Variants in GNG12 observed in about 807,000 individuals in gnomAD.
GNG12 encodes the protein G protein subunit gamma 12.
For synonymous variants in GNG12, 28 were observed against 29.7 expected (o/e 0.94, Z 0.19); for missense variants, 69 against 83.8 (o/e 0.82, Z 0.69).
intron 1 of GNG12, among the ~76,000 whole-genome samples, chr1:67,806,362 G>A (rs1251674842): frequency 6.6e-6 from 1 of 152,098 alleles, no homozygotes; most frequent in Non-Finnish European, 1.5e-5. Context: ...GGTTTGAACT[G>A]AGAAGGTCCA....
In GNG12 at chr1:67,706,630, G is replaced by C. The variant is rs1396310568; in HGVS notation, c.93+964C>G. Among the ~76,000 whole-genome samples, 3 of 149,572 alleles carry C rather than the reference G, an allele frequency of 2.0e-5. No homozygotes were observed. In the East Asian group the frequency reaches 5.9e-4, roughly 30 times the overall value. ...GCCCAGAGGAATGGATCAAGTGATTGCTTCAGTTTCTTTTTTCTTTTCTTT... is the reference window on the plus strand; with the variant it reads ...GCCCAGAGGAATGGATCAAGTGATTCCTTCAGTTTCTTTTTTCTTTTCTTT... On this transcript the variant is annotated intron_variant, in intron 3 of 3. Coordinates refer to ENST00000370982, the MANE Select transcript of GNG12 (RefSeq NM_018841.6).
chr1:67,802,467 T>C (rs902244213), intron 1 of GNG12, among the ~76,000 whole-genome samples: 3 of 152,188 alleles, frequency 2.0e-5, no homozygotes, highest in Admixed American at 6.5e-5. Flanking sequence ...TGAGATTTCA[T>C]GCTTTCAGGC....
intron 1 of GNG12, among the ~76,000 whole-genome samples, 196 bp from the exon 2 acceptor site, chr1:67,777,703 C>A (rs1330608580): frequency 6.6e-6 from 1 of 152,154 alleles, no homozygotes; most frequent in Admixed American, 6.5e-5. Flanking sequence ...AGAGCATGCT[C>A]TCATCTACTT....
intron 1 of GNG12, among the ~76,000 whole-genome samples, chr1:67,784,397 C>T (rs527372260): frequency 5.4e-4 from 82 of 150,818 alleles, no homozygotes; most frequent in African/African-American, 1.8e-3. Context: ...AGCGCACCAG[C>T]ATGGCACATG....
intron 1 of GNG12, among the ~76,000 whole-genome samples, chr1:67,782,053 C>T (rs1299087541): frequency 1.3e-5 from 2 of 152,166 alleles, no homozygotes; most frequent in Admixed American, 6.5e-5. Flanking sequence ...CTCTATGCAA[C>T]AGCACAGGTA....
At chr1:67,828,728 C>A (rs955186459) in intron 1 of GNG12, among the ~76,000 whole-genome samples, 2 of 152,196 alleles carry the variant, frequency 1.3e-5, no homozygotes, top group African/African-American at 4.8e-5. Flanking sequence ...TGGGAAGTCA[C>A]AACTTCCATA....
At chr1:67,748,479 G>C (rs1646519510) in intron 2 of GNG12, among the ~76,000 whole-genome samples, 1 of 152,210 alleles carries the variant, frequency 6.6e-6, no homozygotes, top group South Asian at 2.1e-4. Flanking sequence ...TTCTTTAAAA[G>C]AAGTAGCAAG....
chr1:67,832,781 C>A (rs1244057926), intron 1 of GNG12, among the ~76,000 whole-genome samples: 3 of 151,440 alleles, frequency 2.0e-5, no homozygotes, highest in African/African-American at 7.3e-5. Context: ...CAGCGCCCAG[C>A]GGATTCCAAG....
intron 1 of GNG12, among the ~76,000 whole-genome samples, chr1:67,795,157 T>C (rs1185676069): frequency 6.6e-6 from 1 of 152,238 alleles, no homozygotes; most frequent in East Asian, 1.9e-4. Flanking sequence ...GTAATCTCTT[T>C]GTTGGCCTGA....
At chr1:67,829,694 G>C (rs911461725) in intron 1 of GNG12, among the ~76,000 whole-genome samples, 2 of 152,148 alleles carry the variant, frequency 1.3e-5, no homozygotes. Flanking sequence ...TACTCACCTA[G>C]AAGTATGAGC....
At position 67,709,865 on chromosome 1, in the gene GNG12, GTTATATATATAT is replaced by G. The variant is rs1278493346; in HGVS notation, c.-26-2165_-26-2154del. ...TTGTATATATATTTATATATATATA[GTTATATATATAT>G]TTATATATATAGTTATATATATATT... is the stretch of plus-strand genomic sequence containing the variant. On this transcript the variant is annotated intron_variant, in intron 2 of 3. Coordinates refer to ENST00000370982, the MANE Select transcript of GNG12 (RefSeq NM_018841.6). 3.2e-3 allele frequency among the ~76,000 whole-genome samples: 352 copies of G among 109,208 alleles called. 6 individuals carry two copies. Among genetic ancestry groups the G allele is most frequent in the African/African-American group, 0.012 (334 of 27,416 alleles). The allele number at this position is 109,208 out of a possible 152,430, so 71.6% of individuals were successfully genotyped here.
chr1:67,795,455 G>A (rs556531657), intron 1 of GNG12, among the ~76,000 whole-genome samples: 1 of 152,252 alleles, frequency 6.6e-6, no homozygotes, highest in Admixed American at 6.5e-5. Context: ...TACACTCTGT[G>A]GCACTCACTA....
In GNG12 at chr1:67,702,621, C is replaced by A. The variant is rs907335830; in HGVS notation, c.*2830G>T. The A allele has an allele frequency of 1.3e-5, 2 of 150,550 alleles. No individual in the cohort carries two copies. The highest frequency in any genetic ancestry group is 4.9e-5 in the African/African-American group (2 of 40,884). 9.3% of individuals were successfully genotyped at this position (150,550 alleles called of 1,614,324 possible). On this transcript the variant is annotated 3_prime_UTR_variant, in exon 4 of 4. Coordinates refer to ENST00000370982, the MANE Select transcript of GNG12 (RefSeq NM_018841.6). ...ACATTTTTTAGAAGAAAAAAAAAAACTAGCTATGAGCCATCACTTGTGAAC... is the reference window on the plus strand; with the variant it reads ...ACATTTTTTAGAAGAAAAAAAAAAAATAGCTATGAGCCATCACTTGTGAAC...
At chr1:67,714,538 T>A (rs1646313895) in intron 2 of GNG12, among the ~76,000 whole-genome samples, 1 of 152,222 alleles carries the variant, frequency 6.6e-6, no homozygotes, top group African/African-American at 2.4e-5. Context: ...ATACTTGGTT[T>A]CCGAGTGTTT....
Position 67,718,313 on chromosome 1 carries a change from T to C in GNG12, c.-26-10601A>G, listed in dbSNP as rs372262276. On this transcript the variant is annotated intron_variant, in intron 2 of 3. Coordinates refer to ENST00000370982, the MANE Select transcript of GNG12 (RefSeq NM_018841.6). The stretch of plus-strand genomic sequence containing the variant: ...AACTCCTCAGACCATCTTTGTCCTA[T>C]AAAAATGTGAGCCACGTATGTGATT... Among the ~76,000 whole-genome samples, 11 of 151,772 alleles carry C rather than the reference T, an allele frequency of 7.2e-5. No homozygotes were observed. In the East Asian group the frequency reaches 1.2e-3, roughly 16 times the overall value.
chr1:67,815,352 TAC>T (rs1480114407), intron 1 of GNG12, among the ~76,000 whole-genome samples: 2 of 152,200 alleles, frequency 1.3e-5, no homozygotes, highest in African/African-American at 4.8e-5. Flanking sequence ...ATAGCCTACA[TAC>T]ACCTCTTGAA....
At chr1:67,803,078 A>G (rs1301904416) in intron 1 of GNG12, among the ~76,000 whole-genome samples, 1 of 152,252 alleles carries the variant, frequency 6.6e-6, no homozygotes, top group African/African-American at 2.4e-5. Context: ...CATTGCCCCC[A>G]CTAGGGAGTA....
At chr1:67,710,002 ATATATATAGT>A (rs1171301153) in intron 2 of GNG12, among the ~76,000 whole-genome samples, 1 of 43,488 alleles carries the variant, frequency 2.3e-5, no homozygotes, top group African/African-American at 9.0e-5. Context: ...ATATATAGTT[ATATATATAGT>A]TATATATATA....
At chr1:67,718,974 AT>A (rs1220263047) in intron 2 of GNG12, among the ~76,000 whole-genome samples, 1 of 152,234 alleles carries the variant, frequency 6.6e-6, no homozygotes, top group Non-Finnish European at 1.5e-5. Context: ...GGTAAGCTCT[AT>A]TTTCATGCCC....
Sources: gnomAD v4.1 joint callset for allele counts (sites outside exome capture counted in the v4.1 genomes callset) on GRCh38, gnomAD v4.1.1 for gene constraint, MANE v1.5 for transcripts, NCBI Gene and HGNC (gene_info 2026-07-23, HGNC 2026-07-21) for gene names.